Variants in DDB2 observed in about 807,000 individuals in gnomAD.
DDB2 encodes damage specific DNA binding protein 2, also known as DNA damage-binding protein 2.
DDB2 carries 27 observed loss-of-function variants against 50.5 expected under a neutral mutation model. The observed-to-expected ratio is 0.53, with a 90% confidence interval of 0.39 to 0.74. The LOEUF (loss-of-function observed/expected upper bound fraction) is 0.74. Among genes scored for constraint, DDB2 ranks in the 30% least tolerant of loss-of-function variants. The pLI is 0.00. For synonymous variants in DDB2, 176 were observed against 205.5 expected (o/e 0.86, Z 1.23); for missense variants, 424 against 545.6 (o/e 0.78, Z 2.22).
At chr11:47,225,458 C>T (rs1185519950) in intron 3 of DDB2, among the ~76,000 whole-genome samples, 2 of 151,278 alleles carry the variant, frequency 1.3e-5, no homozygotes, top group Non-Finnish European at 1.5e-5. Context: ...TGGGCATGGT[C>T]GTGGGCGCCT....
upstream of DDB2, chr11:47,214,741 A>C (rs1953373255): frequency 1.4e-5 from 5 of 348,520 alleles, no homozygotes; most frequent in Admixed American, 4.4e-5. Flanking sequence ...ACTGCCCTCC[A>C]GAGTGAGCGA....
intron 3 of DDB2, among the ~76,000 whole-genome samples, chr11:47,223,736 C>T (rs570576376): frequency 3.9e-4 from 60 of 152,044 alleles, no homozygotes; most frequent in Middle Eastern, 6.8e-3. Context: ...GAGCCGAGAT[C>T]GGCCACTTCA....
chr11:47,228,193 C>T (rs558971355), intron 3 of DDB2, among the ~76,000 whole-genome samples: 1 of 150,426 alleles, frequency 6.6e-6, no homozygotes, highest in African/African-American at 2.4e-5. Context: ...TGCTTGAGCC[C>T]AGGAGGCAGA....
In DDB2 at chr11:47,214,994, ATGTT is replaced by A; in HGVS notation, c.-140_-137del. 1 of 1,219,220 alleles carries A rather than the reference ATGTT, an allele frequency of 8.2e-7. No homozygotes were observed. Among genetic ancestry groups the A allele is most frequent in the Admixed American group, 1.7e-5 (1 of 58,338 alleles). The allele number at this position is 1,219,220 out of a possible 1,614,324, so 75.5% of individuals were successfully genotyped here. On this transcript the variant is annotated 5_prime_UTR_variant, in exon 1 of 10. The change abolishes the stop of an existing upstream ORF in the 5' untranslated region. Coordinates refer to ENST00000256996, the MANE Select transcript of DDB2 (RefSeq NM_000107.3). ...AAGCTGGTTTGAACAAGCCCTGGGC[ATGTT>A]TGGCGGGAAGTTGGCTTAGCTCGGC...
chr11:47,236,379 CT>C (rs1953726847), intron 7 of DDB2, among the ~76,000 whole-genome samples: 1 of 152,164 alleles, frequency 6.6e-6, no homozygotes, highest in South Asian at 2.1e-4. Flanking sequence ...CCTTTGATGC[CT>C]TTTTGCCTAA....
intron 7 of DDB2, chr11:47,235,887 T>G (rs76692445): frequency 6.4e-6 from 1 of 156,724 alleles, no homozygotes; most frequent in Non-Finnish European, 1.4e-5. Flanking sequence ...TTTTTTTTTT[T>G]TGTAGAGACA....
intron 3 of DDB2, among the ~76,000 whole-genome samples, chr11:47,226,185 A>C (rs770488181): frequency 1.1e-4 from 17 of 152,046 alleles, no homozygotes; most frequent in Non-Finnish European, 2.1e-4. Flanking sequence ...AGGAACCGCT[A>C]TATTGTTTTC....
At position 47,237,843 on chromosome 11, in the gene DDB2, T is replaced by TG; in HGVS notation, c.1032dup (p.His345AlafsTer16). On this transcript the variant is annotated frameshift_variant, in exon 8 of 10. Coordinates refer to ENST00000256996, the MANE Select transcript of DDB2 (RefSeq NM_000107.3). LOFTEE classifies it high-confidence loss of function. ...CGGCCTCTCCATCTCCTAGGCAGCCTGGCATCCTCGCTACAACCTCATTGT... is the reference window on the plus strand; with the variant it reads ...CGGCCTCTCCATCTCCTAGGCAGCCTGGGCATCCTCGCTACAACCTCATTGT... 6.2e-7 allele frequency: 1 copy of TG among 1,614,124 alleles called. No individual in the cohort carries two copies. The highest frequency in any genetic ancestry group is 8.5e-7 in the Non-Finnish European group (1 of 1,180,000).
At position 47,217,889 on chromosome 11, in the gene DDB2, T is replaced by G. The variant is rs199987013; in HGVS notation, c.456+840T>G. Among the ~76,000 whole-genome samples the G allele has an allele frequency of 4.6e-5, 7 of 151,586 alleles. No individual in the cohort carries two copies. The East Asian group carries it at 1.4e-3, about 29-fold the overall frequency. On this transcript the variant is annotated intron_variant, in intron 3 of 9. Transcript: ENST00000256996. ...CTGGGCAACAGAGCGAGACTCCATC[T>G]CAAAAAAAAAGAATTGAAGCCCCTT...
Position 47,215,209 on chromosome 11 carries a change from A to G in DDB2, c.73A>G (p.Arg25Gly). The G allele has an allele frequency of 6.2e-7, 1 of 1,614,036 alleles. No individual in the cohort carries two copies. The highest frequency in any genetic ancestry group is 8.5e-7 in the Non-Finnish European group (1 of 1,180,016). Reference sequence around the variant, plus strand: ...ATTACGCCCCAGGAACAAGAGGAGCAGGAGTCCCCTGGAGCTGGAGCCCGA... The same window carrying G: ...ATTACGCCCCAGGAACAAGAGGAGCGGGAGTCCCCTGGAGCTGGAGCCCGA... Reference protein sequence around the residue: ...IVLRPRNKRSRSPLELEPEAK... With the variant: ...IVLRPRNKRSGSPLELEPEAK... The change falls in exon 1 of 10, where the codon AGG becomes GGG. Residue 25 changes from arginine (R) to glycine (G), a missense_variant. Coordinates refer to ENST00000256996, the MANE Select transcript of DDB2 (RefSeq NM_000107.3).
chr11:47,234,454 C>T (rs1483586823), intron 4 of DDB2, 119 bp from the exon 5 acceptor site: 1 of 821,050 alleles, frequency 1.2e-6, no homozygotes, highest in East Asian at 2.4e-5. Flanking sequence ...GACAGTTATT[C>T]ATTCATTCAA....
Position 47,216,963 on chromosome 11 carries a change from C to G in DDB2, c.370C>G (p.Pro124Ala), listed in dbSNP as rs762943470. The G allele has an allele frequency of 6.2e-7, 1 of 1,614,084 alleles. No individual in the cohort carries two copies. Among genetic ancestry groups the G allele is most frequent in the South Asian group, 1.1e-5 (1 of 91,084 alleles). ...ATSLAWHPTH[P>A]STVAVGSKGG... ...ATCCTTGGCGTGGCACCCAACTCAC[C>G]CCAGCACCGTGGCTGTGGGTTCCAA... The change falls in exon 3 of 10, where the codon CCC becomes GCC. Residue 124 changes from proline (P) to alanine (A), a missense_variant. Pro to Ala is a conservative substitution (Grantham distance 27). Transcript: ENST00000256996.
chr11:47,238,203 CT>C lies in DDB2; in HGVS notation c.1234+21del. ...CAATGGGTGAGTAGGAGGAGAATGT[CT>C]CTGACTTGCCAAGTCCGATCCTACT... On this transcript the variant is annotated intron_variant, in intron 9 of 9. Coordinates refer to ENST00000256996, the MANE Select transcript of DDB2 (RefSeq NM_000107.3). 1 of 1,600,572 alleles carries C rather than the reference CT, an allele frequency of 6.2e-7. No individual in the cohort carries two copies. The highest frequency in any genetic ancestry group is 8.5e-7 in the Non-Finnish European group (1 of 1,172,380).
At chr11:47,218,412 T>C (rs1472996896) in intron 3 of DDB2, among the ~76,000 whole-genome samples, 1 of 152,176 alleles carries the variant, frequency 6.6e-6, no homozygotes, top group Admixed American at 6.6e-5. Context: ...AGATGCCAAG[T>C]GCTACAGAAT....
intron 7 of DDB2, among the ~76,000 whole-genome samples, chr11:47,237,433 ACTT>A (rs1953743877): frequency 6.8e-6 from 1 of 146,332 alleles, no homozygotes; most frequent in Non-Finnish European, 1.5e-5. Flanking sequence ...GGCAAATACT[ACTT>A]TTTTTTTTTT....
At chr11:47,234,730 C>G (rs999275317) in intron 5 of DDB2, 27 bp from the exon 6 acceptor site, 2 of 1,613,904 alleles carry the variant, frequency 1.2e-6, no homozygotes, top group Non-Finnish European at 1.7e-6. Context: ...TTCTGTGTCC[C>G]CACCTGAACC....
At chr11:47,229,846 A>G (rs1289422728) in intron 3 of DDB2, 5 of 399,582 alleles carry the variant, frequency 1.3e-5, no homozygotes, top group African/African-American at 2.3e-5. Context: ...CTTCTTCCTA[A>G]TAGAGACAGG....
intron 3 of DDB2, among the ~76,000 whole-genome samples, chr11:47,232,498 T>TA (rs1216722604): frequency 1.5e-5 from 2 of 133,060 alleles, no homozygotes; most frequent in Admixed American, 1.5e-4. Flanking sequence ...AAAAAAAAAA[T>TA]AGAAAAATTA....
intron 3 of DDB2, among the ~76,000 whole-genome samples, chr11:47,224,378 A>C (rs940953963): frequency 2.6e-5 from 4 of 151,756 alleles, no homozygotes; most frequent in Non-Finnish European, 5.9e-5. Context: ...ACAGGTGCCC[A>C]CCACCTCACC....
Sources: gnomAD v4.1 joint callset for allele counts (sites outside exome capture counted in the v4.1 genomes callset) on GRCh38, gnomAD v4.1.1 for gene constraint, MANE v1.5 for transcripts, NCBI Gene and HGNC (gene_info 2026-07-23, HGNC 2026-07-21) for gene names.